The following CD96 variants were observed in gnomAD, a reference collection of about 807,000 sequenced individuals.
The protein encoded by CD96 is T-cell surface protein tactile.
Under a neutral mutation model 71.3 loss-of-function variants are expected in CD96, and 70 were observed. The ratio of observed to expected loss-of-function variants is 0.98; its 90% CI spans 0.81 to 1.20. CD96 has a LOEUF of 1.20. CD96 is among the 50% of genes most tolerant of loss of function. The pLI, the probability that CD96 is intolerant of heterozygous loss-of-function variation, is 0.00. For missense variants in CD96, 742 were observed against 677.5 expected, an observed-to-expected ratio of 1.10 and a Z score of -1.06; for synonymous variants, 248 against 233.0, an observed-to-expected ratio of 1.06 and a Z score of -0.59.
chr3:111,542,370 T>A (rs901702995), intron 1 of CD96, 61 bp downstream of exon 1: 2 of 952,260 alleles, frequency 2.1e-6, no homozygotes, highest in South Asian at 1.4e-5. Flanking sequence ...ATGGGGCCTC[T>A]GTTCATTTAA....
chr3:111,569,262 T>C (rs914782350), intron 3 of CD96, among the ~76,000 whole-genome samples: 2 of 152,086 alleles, frequency 1.3e-5, no homozygotes, highest in Non-Finnish European at 2.9e-5. Context: ...ATTTTTCAGA[T>C]AGTAAATAAT....
intron 3 of CD96, among the ~76,000 whole-genome samples, chr3:111,569,581 A>G (rs1304310761): frequency 6.6e-6 from 1 of 152,246 alleles, no homozygotes; most frequent in African/African-American, 2.4e-5. Flanking sequence ...CAGAGCAGAA[A>G]GTTCCTATCC....
Position 111,545,259 on chromosome 3 carries a change from C to T in CD96, c.275C>T (p.Thr92Ile). 3 of 1,614,096 alleles carry T rather than the reference C, an allele frequency of 1.9e-6. No homozygotes were observed. Among genetic ancestry groups the T allele is most frequent in the Non-Finnish European group, 2.5e-6 (3 of 1,179,948 alleles). ...GRPCESLVTF[T>I]ETPENGSKWT... The stretch of plus-strand genomic sequence containing the variant: ...CCCTGTGAGTCACTTGTGACTTTCA[C>T]AGAAACTCCTGAGAATGGGTCAAAA... The change falls in exon 2 of 14, where the codon ACA becomes ATA. Residue 92 changes from threonine (T) to isoleucine (I), a missense_variant. Thr to Ile is a moderately conservative substitution (Grantham distance 89). Transcript: ENST00000352690.
chr3:111,638,666 C>T (rs1939450408), intron 12 of CD96, among the ~76,000 whole-genome samples: 3 of 152,136 alleles, frequency 2.0e-5, no homozygotes, highest in Non-Finnish European at 4.4e-5. Flanking sequence ...AGTTAGGACC[C>T]TCCTAATGAA....
rs201962401 is a variant in CD96 at position 111,606,750 on chromosome 3, C to T, written c.1138C>T (p.Leu380Phe). Residue 380 changes from leucine to phenylalanine, a missense_variant, in exon 8 of 14, where the codon CTT (leucine) becomes TTT (phenylalanine). Physicochemically the swap from Leu to Phe is conservative, Grantham distance 22 (BLOSUM62 0). Transcript: ENST00000352690. Reference protein sequence around the residue: ...DPPLSVTESTLDTQPSPASSV... With the variant: ...DPPLSVTESTFDTQPSPASSV... ...TCCACTGAGTGTTACAGAATCTACC[C>T]TTGACACCCAACCTTCTCCAGCCAG... 19 of 1,607,440 alleles carry T rather than the reference C, an allele frequency of 1.2e-5. No individual in the cohort carries two copies. The East Asian group carries it at 4.0e-4, about 34-fold the overall frequency.
chr3:111,580,307 GT>G, intron 4 of CD96, among the ~76,000 whole-genome samples: 1 of 152,298 alleles, frequency 6.6e-6, no homozygotes, highest in South Asian at 2.1e-4. Context: ...ATTTTCCCCA[GT>G]GGTACAAGGA....
At chr3:111,613,833 G>C (rs1038919261) in intron 8 of CD96, among the ~76,000 whole-genome samples, 11 of 152,226 alleles carry the variant, frequency 7.2e-5, no homozygotes, top group African/African-American at 2.7e-4. Context: ...TTAGATAGCA[G>C]AGTCTGACTA....
chr3:111,643,735 C>CAAAAAAAAA (rs56078551), intron 12 of CD96, among the ~76,000 whole-genome samples: 2 of 128,234 alleles, frequency 1.6e-5, no homozygotes, highest in Non-Finnish European at 3.3e-5. Flanking sequence ...ACAATAGCTG[C>CAAAAAAAAA]AAAAAAAAAA....
At chr3:111,606,081 C>A (rs1167847631) in intron 7 of CD96, among the ~76,000 whole-genome samples, 2 of 151,972 alleles carry the variant, frequency 1.3e-5, no homozygotes, top group African/African-American at 4.8e-5. Context: ...ATAAGTAAAA[C>A]CACATTCTAG....
chr3:111,625,574 A>G (rs1230453312), intron 10 of CD96, among the ~76,000 whole-genome samples: 1 of 149,724 alleles, frequency 6.7e-6, no homozygotes, highest in Non-Finnish European at 1.5e-5. Flanking sequence ...TATTGATAAG[A>G]AAAAAAATTA....
At chr3:111,630,453 A>G (rs534906015) in intron 10 of CD96, among the ~76,000 whole-genome samples, 1 of 152,328 alleles carries the variant, frequency 6.6e-6, no homozygotes, top group South Asian at 2.1e-4. Context: ...CAAAGACTGA[A>G]CCAGGAAGAA....
chr3:111,627,915 A>G (rs1032025568), intron 10 of CD96, among the ~76,000 whole-genome samples: 2 of 152,220 alleles, frequency 1.3e-5, no homozygotes, highest in Non-Finnish European at 2.9e-5. Context: ...GTAGCCCTAC[A>G]GAAGAGTGCC....
intron 3 of CD96, among the ~76,000 whole-genome samples, chr3:111,577,765 C>G (rs1449355667): frequency 6.6e-6 from 1 of 152,154 alleles, no homozygotes; most frequent in Non-Finnish European, 1.5e-5. Flanking sequence ...TCTGCCCATA[C>G]TTGAATGTGG....
intron 14 of CD96, among the ~76,000 whole-genome samples, chr3:111,663,810 G>GCTAT (rs1940413877): frequency 6.7e-6 from 1 of 149,694 alleles, no homozygotes; most frequent in East Asian, 2.0e-4. Context: ...GTGCAGTAGT[G>GCTAT]CTATCTCTGC....
chr3:111,601,067 T>C (rs1937476844), intron 7 of CD96, among the ~76,000 whole-genome samples, 153 bp downstream of exon 7: 1 of 152,220 alleles, frequency 6.6e-6, no homozygotes, highest in Non-Finnish European at 1.5e-5. Context: ...CAAACATTTT[T>C]GACAAGTAGG....
Position 111,652,344 on chromosome 3 carries a change from G to C in CD96, c.*2538G>C, listed in dbSNP as rs943955902. ...GTGTATGGCTATTTGTATTTAACAA[G>C]ACTTAATCATCAGTAATTTGTATAC... is the stretch of plus-strand genomic sequence containing the variant. On this transcript the variant is annotated 3_prime_UTR_variant, in exon 14 of 14. Transcript: ENST00000352690. 1 of 151,948 alleles carries C rather than the reference G, an allele frequency of 6.6e-6. No homozygotes were observed. The highest frequency in any genetic ancestry group is 1.5e-5 in the Non-Finnish European group (1 of 67,988). The allele number at this position is 151,948 out of a possible 1,614,324, so 9.4% of individuals were successfully genotyped here. A position where few individuals can be genotyped will look rare whatever the true frequency, so the allele number is the denominator to read the frequency against.
At chr3:111,664,456 A>G (rs374883558) in intron 14 of CD96, among the ~76,000 whole-genome samples, 1 of 152,232 alleles carries the variant, frequency 6.6e-6, no homozygotes, top group African/African-American at 2.4e-5. Context: ...GGAGCTAAAC[A>G]TTTAGCACAT....
intron 3 of CD96, among the ~76,000 whole-genome samples, chr3:111,571,733 T>C (rs1935994673): frequency 6.6e-6 from 1 of 152,222 alleles, no homozygotes. Context: ...CTATGGTACA[T>C]TTCCTTTCAA....
chr3:111,549,182 C>CTACTT (rs1934568420), intron 2 of CD96, among the ~76,000 whole-genome samples: 1 of 151,760 alleles, frequency 6.6e-6, no homozygotes, highest in South Asian at 2.1e-4. Flanking sequence ...CCCCTCCCCT[C>CTACTT]TCCTTTCCTT....
Sources: gnomAD v4.1 joint callset for allele counts (sites outside exome capture counted in the v4.1 genomes callset) on GRCh38, gnomAD v4.1.1 for gene constraint, MANE v1.5 for transcripts, NCBI Gene and HGNC (gene_info 2026-07-23, HGNC 2026-07-21) for gene names.